The following CALB2 variants were observed in gnomAD, a reference collection of about 807,000 sequenced individuals.
CALB2 encodes the protein calbindin 2, also known as calretinin.
Under a neutral mutation model 45.9 loss-of-function variants are expected in CALB2, and 34 were observed. That is an observed-to-expected ratio of 0.74 (90% CI 0.56 to 0.99). CALB2 has a LOEUF of 0.99. CALB2 is among the 50% of genes least tolerant of loss of function. The probability of loss-of-function intolerance (pLI) is 0.00; values close to 1 mark genes in which losing one functional copy is unlikely to be tolerated. For synonymous variants in CALB2, 142 were observed against 129.6 expected (o/e 1.10, Z -0.65); for missense variants, 344 against 339.3 (o/e 1.01, Z -0.11).
Position 71,358,847 on chromosome 16 carries a change from T to A in CALB2, c.55T>A (p.Ser19Thr). 2 of 1,613,110 alleles carry A rather than the reference T, an allele frequency of 1.2e-6. No individual in the cohort carries two copies. Among genetic ancestry groups the A allele is most frequent in the Admixed American group, 1.7e-5 (1 of 59,976 alleles). Residue 19 changes from serine (S) to threonine (T), a missense_variant, in exon 1 of 11, where the codon TCC (serine) becomes ACC (threonine). By Grantham distance (58) the Ser-to-Thr change is moderately conservative. Around this residue, in one of 3 missense-constraint regions of CALB2, gnomAD observed 77 missense variants for 80.5 expected, o/e 0.96. Transcript: ENST00000302628. ...PYLHLAELTASQFLEIWKHFD... is the reference protein window; with the variant it reads ...PYLHLAELTATQFLEIWKHFD... Reference sequence around the variant, plus strand: ...CCTGCACCTGGCCGAGCTGACGGCGTCCCAGTTCCTGGAAATATGGAAGCA... The same window carrying A: ...CCTGCACCTGGCCGAGCTGACGGCGACCCAGTTCCTGGAAATATGGAAGCA...
At chr16:71,379,183 A>T (rs765935838) in intron 4 of CALB2, among the ~76,000 whole-genome samples, 3 of 152,104 alleles carry the variant, frequency 2.0e-5, no homozygotes, top group South Asian at 4.1e-4. Flanking sequence ...AGGCTGAGGC[A>T]GGAGAATCGC....
rs183111639 is a variant in CALB2, at chr16:71,384,856, T to C, written c.627+20T>C. On this transcript the variant is annotated intron_variant, in intron 9 of 10. Transcript: ENST00000302628. ...GACAAGGTAAGAGAGGGAGTTGGCA[T>C]GGCAGGGAAAATCAGAAGCCCATCA... is the stretch of plus-strand genomic sequence containing the variant. The C allele has an allele frequency of 1.1e-4, 173 of 1,610,666 alleles. 1 individual carries two copies. In the East Asian group the frequency reaches 3.7e-3, roughly 34 times the overall value.
chr16:71,389,686 G>T, intron 10 of CALB2, 63 bp from the exon 11 acceptor site: 1 of 1,120,486 alleles, frequency 8.9e-7, no homozygotes, highest in Non-Finnish European at 1.4e-6. Flanking sequence ...GAATGTGGAC[G>T]TGGGCTCCTT....
chr16:71,371,250 C>T (rs966172791), intron 1 of CALB2, among the ~76,000 whole-genome samples: 2 of 152,172 alleles, frequency 1.3e-5, no homozygotes, highest in African/African-American at 4.8e-5. Flanking sequence ...AGGTGGGATG[C>T]CTCTCCTACC....
chr16:71,377,550 A>T (rs1382635168), intron 3 of CALB2, 117 bp from the exon 4 acceptor site: 1 of 676,850 alleles, frequency 1.5e-6, no homozygotes, highest in East Asian at 2.7e-5. Context: ...GAAGGAAGAA[A>T]ACGCAATTCC....
chr16:71,362,496 G>A (rs1051731222), intron 1 of CALB2, among the ~76,000 whole-genome samples: 1 of 152,212 alleles, frequency 6.6e-6, no homozygotes, highest in African/African-American at 2.4e-5. Context: ...GTCTATTACA[G>A]TGTTCTTCGG....
chr16:71,376,698 ACCACATGCAC>A (rs1255070094), intron 3 of CALB2, among the ~76,000 whole-genome samples: 2 of 145,430 alleles, frequency 1.4e-5, no homozygotes, highest in African/African-American at 2.6e-5. Context: ...TTCACATACA[ACCACATGCAC>A]CCACATACAA....
chr16:71,362,279 T>C (rs1351284326), intron 1 of CALB2, among the ~76,000 whole-genome samples: 1 of 152,212 alleles, frequency 6.6e-6, no homozygotes. Context: ...ACTGACCATC[T>C]GCGAGCAGCA....
rs1043161376 is a variant in CALB2 at position 71,382,792 on chromosome 16, G to A, written c.399+17G>A. 6 of 1,603,950 alleles carry A rather than the reference G, an allele frequency of 3.7e-6. No homozygotes were observed. The Middle Eastern group carries it at 6.6e-4, about 177-fold the overall frequency. On this transcript the variant is annotated intron_variant, in intron 5 of 10. Transcript: ENST00000302628. Reference sequence around the variant, plus strand: ...GAGCTCAAGGTAGGATGGGCCTTGGGGAGGGTGTGAGGCCAGAGTGGCGGT... The same window carrying A: ...GAGCTCAAGGTAGGATGGGCCTTGGAGAGGGTGTGAGGCCAGAGTGGCGGT...
chr16:71,359,583 C>A (rs1598156135), intron 1 of CALB2, among the ~76,000 whole-genome samples: 1 of 152,130 alleles, frequency 6.6e-6, no homozygotes, highest in Admixed American at 6.5e-5. Flanking sequence ...GGAGGCACCA[C>A]CCTAAGTGCC....
intron 3 of CALB2, 146 bp from the exon 4 acceptor site, chr16:71,377,521 G>T (rs777719934): frequency 8.9e-5 from 55 of 620,816 alleles, no homozygotes; most frequent in Middle Eastern, 2.7e-4. Context: ...AGGACTGCCA[G>T]CACCCGTTCT....
chr16:71,382,694 G>C lies in CALB2; in HGVS notation c.343-25G>C, dbSNP rs749952537. ...GTAGATTTTGATACGTCTTTGCAAA[G>C]AGGTTGACATTCCTGTTGTTGCAGG... On this transcript the variant is annotated intron_variant, in intron 4 of 10. Coordinates refer to ENST00000302628, the MANE Select transcript of CALB2 (RefSeq NM_001740.5). The C allele has an allele frequency of 3.1e-6, 5 of 1,608,926 alleles. No homozygotes were observed. The South Asian group carries it at 4.5e-5, about 14-fold the overall frequency.
chr16:71,383,801 G>A (rs2042529917), intron 6 of CALB2, among the ~76,000 whole-genome samples, 169 bp from the exon 7 acceptor site: 1 of 152,100 alleles, frequency 6.6e-6, no homozygotes, highest in Non-Finnish European at 1.5e-5. Context: ...GGTCCACCCA[G>A]GGGACCCCCG....
chr16:71,372,240 C>T lies in CALB2; in HGVS notation c.171+11C>T, dbSNP rs749833599. ...AAAGGCTCTGGCATGGTAAGCCCAG[C>T]CCTGTCTCCGATTGTGTGGGATTTT... On this transcript the variant is annotated intron_variant, in intron 2 of 10. Transcript: ENST00000302628. 6.2e-7 allele frequency: 1 copy of T among 1,603,892 alleles called. No homozygotes were observed. Among genetic ancestry groups the T allele is most frequent in the East Asian group, 2.2e-5 (1 of 44,748 alleles).
At chr16:71,385,062 G>A (rs186360850) in intron 9 of CALB2, among the ~76,000 whole-genome samples, 17 of 152,162 alleles carry the variant, frequency 1.1e-4, no homozygotes, top group African/African-American at 4.1e-4. Flanking sequence ...GAATCGTTGG[G>A]GGAGGACTAT....
At chr16:71,366,364 C>G (rs1451157001) in intron 1 of CALB2, among the ~76,000 whole-genome samples, 1 of 90,298 alleles carries the variant, frequency 1.1e-5, no homozygotes, top group Non-Finnish European at 2.1e-5. Flanking sequence ...AGAGTCTCGC[C>G]TTGTCACCCA....
At chr16:71,364,182 C>T (rs895389376) in intron 1 of CALB2, among the ~76,000 whole-genome samples, 13 of 152,176 alleles carry the variant, frequency 8.5e-5, no homozygotes, top group East Asian at 1.9e-4. Flanking sequence ...TTGCACCAGC[C>T]GGCAGCGGGG....
chr16:71,386,946 G>GA (rs2042577405), intron 10 of CALB2, among the ~76,000 whole-genome samples: 1 of 152,170 alleles, frequency 6.6e-6, no homozygotes, highest in Admixed American at 6.5e-5. Flanking sequence ...TACTTCCTGG[G>GA]AAGAAGGAAG....
At chr16:71,372,118 GT>G (rs1185284440) in intron 1 of CALB2, 34 bp from the exon 2 acceptor site, 8 of 1,436,164 alleles carry the variant, frequency 5.6e-6, no homozygotes, top group Non-Finnish European at 5.9e-6. Context: ...TTACTATTTA[GT>G]GCTGAGATTG....
Sources: allele counts gnomAD v4.1 joint callset (sites outside exome capture counted in the v4.1 genomes callset), GRCh38; gene constraint gnomAD v4.1.1; regional missense constraint gnomAD v4.1.1; transcripts MANE v1.5; gene names NCBI Gene and HGNC (gene_info 2026-07-23, HGNC 2026-07-21).